The following RBSN variants were observed in gnomAD, a reference collection of about 807,000 sequenced individuals.
RBSN encodes rabenosyn, RAB effector, also known as rabenosyn-5.
RBSN carries 34 observed loss-of-function variants against 60.5 expected under a neutral mutation model. The observed-to-expected ratio is 0.56, with a 90% CI of 0.43 to 0.75. RBSN has a LOEUF of 0.75. RBSN is among the 30% of genes least tolerant of loss of function. The probability of loss-of-function intolerance (pLI) is 0.00; values close to 1 mark genes in which losing one functional copy is unlikely to be tolerated. For synonymous variants in RBSN, 322 were observed against 366.9 expected (o/e 0.88, Z 1.40); for missense variants, 845 against 986.8 (o/e 0.86, Z 1.92).
chr3:15,073,859 C>T lies in RBSN; in HGVS notation c.2278G>A (p.Asp760Asn), dbSNP rs2042977515. The change falls in exon 14 of 14, where the codon GAT (aspartate) becomes AAT (asparagine). Residue 760 changes from aspartate to asparagine, a missense_variant. Physicochemically the swap from Asp to Asn is conservative, Grantham distance 23. Coordinates refer to ENST00000253699, the MANE Select transcript of RBSN (RefSeq NM_022340.4). The part of the protein sequence containing the change: ...IFDAKQCGRL[D>N]EVEVLTENLR... ...TTCTCTGTCAGCACCTCTACCTCAT[C>T]CAGGCGGCCGCACTGCTTGGCATCA... 2.5e-6 allele frequency: 4 copies of T among 1,614,014 alleles called. No homozygotes were observed. The highest frequency in any genetic ancestry group is 3.4e-6 in the Non-Finnish European group (4 of 1,180,018).
chr3:15,096,369 G>C, intron 3 of RBSN, 81 bp from the exon 4 acceptor site: 1 of 401,044 alleles, frequency 2.5e-6, no homozygotes, highest in Non-Finnish European at 4.4e-6. Context: ...TCTTTTCACA[G>C]TTCAATGGGG....
chr3:15,074,181 G>A lies in RBSN; in HGVS notation c.1956C>T (p.Asp652=). 6 of 1,612,518 alleles carry A rather than the reference G, an allele frequency of 3.7e-6. No homozygotes were observed. Among genetic ancestry groups the A allele is most frequent in the Non-Finnish European group, 5.1e-6 (6 of 1,179,022 alleles). ...TGPPAAGVSL[D]PSARILKEYN... ...ACTCTTTCAGGATGCGGGCTGAAGGGTCTAAGGAAACCCCTGCAGCAGGAG... is the reference window on the plus strand; with the variant it reads ...ACTCTTTCAGGATGCGGGCTGAAGGATCTAAGGAAACCCCTGCAGCAGGAG... The change falls in exon 14 of 14, where the codon GAC becomes GAT. Residue 652 remains aspartate (D), a synonymous_variant. Coordinates refer to ENST00000253699, the MANE Select transcript of RBSN (RefSeq NM_022340.4). The surrounding 1 kb of genome is among the most constrained non-coding windows in gnomAD (Gnocchi z 6.4).
chr3:15,089,277 C>T (rs1217678545), intron 5 of RBSN, among the ~76,000 whole-genome samples: 1 of 151,496 alleles, frequency 6.6e-6, no homozygotes, highest in Admixed American at 6.6e-5. Flanking sequence ...ACCAGCCTGG[C>T]CAACATAGGA....
chr3:15,084,109 T>C lies in RBSN; in HGVS notation c.598+626A>G, dbSNP rs1328211962. 3.9e-5 allele frequency among the ~76,000 whole-genome samples: 6 copies of C among 152,166 alleles called. No individual in the cohort carries two copies. Among genetic ancestry groups the C allele is most frequent in the Non-Finnish European group, 2.9e-5 (2 of 68,030 alleles). The stretch of plus-strand genomic sequence containing the variant: ...AAACTAAGTATAATTTTCACATTGC[T>C]ATTTTATTTTATTTATTTATTTTTT... On this transcript the variant is annotated intron_variant, in intron 8 of 13. Coordinates refer to ENST00000253699, the MANE Select transcript of RBSN (RefSeq NM_022340.4). The surrounding 1 kb of genome is among the most constrained non-coding windows in gnomAD (Gnocchi z 4.2).
At chr3:15,075,243 C>G (rs768810427) in intron 13 of RBSN, 2 of 576,158 alleles carry the variant, frequency 3.5e-6, no homozygotes, top group Non-Finnish European at 6.3e-6. Context: ...TGGAATCTCA[C>G]GCAGCGTTAA....
At position 15,071,636 on chromosome 3, in the gene RBSN, G is replaced by A. The variant is rs1171475552; in HGVS notation, c.*2146C>T. Reference sequence around the variant, plus strand: ...TCCCCATCTCCACACCCCTATACAAGATCTTTTCATTCAACCAAAAGGATA... The same window carrying A: ...TCCCCATCTCCACACCCCTATACAAAATCTTTTCATTCAACCAAAAGGATA... On this transcript the variant is annotated 3_prime_UTR_variant, in exon 14 of 14. Transcript: ENST00000253699. 1 of 152,218 alleles carries A rather than the reference G, an allele frequency of 6.6e-6. No homozygotes were observed. The highest frequency in any genetic ancestry group is 2.4e-5 in the African/African-American group (1 of 41,448). The allele number at this position is 152,218 out of a possible 1,614,324, so 9.4% of individuals were successfully genotyped here.
intron 5 of RBSN, 130 bp from the exon 6 acceptor site, chr3:15,086,091 C>CAA (rs60131546): frequency 0.023 from 2,158 of 94,006 alleles, 34 homozygotes; most frequent in East Asian, 0.037. Context: ...CGTCTCTCTC[C>CAA]AAAAAAAAAA....
At chr3:15,075,398 C>A in intron 13 of RBSN, 1 of 679,016 alleles carries the variant, frequency 1.5e-6, no homozygotes. Context: ...TCAGCAGAAG[C>A]TCTGAAAGAA....
At chr3:15,088,533 C>T (rs2043407957) in intron 5 of RBSN, among the ~76,000 whole-genome samples, 1 of 152,082 alleles carries the variant, frequency 6.6e-6, no homozygotes, top group Non-Finnish European at 1.5e-5. Flanking sequence ...GCATGTGCCA[C>T]CACACCTGGC....
At chr3:15,075,255 T>C (rs2043024918) in intron 13 of RBSN, 2 of 591,074 alleles carry the variant, frequency 3.4e-6, no homozygotes, top group Non-Finnish European at 6.2e-6. Context: ...CAGCGTTAAA[T>C]ACACATATAA....
chr3:15,091,622 A>T, intron 4 of RBSN: 2 of 549,546 alleles, frequency 3.6e-6, no homozygotes, highest in South Asian at 2.5e-5. Flanking sequence ...TCATGCTTAC[A>T]ATGTTATAAG....
chr3:15,091,405 CAG>C (rs2043513666), intron 4 of RBSN: 3 of 1,240,500 alleles, frequency 2.4e-6, no homozygotes, highest in Non-Finnish European at 3.1e-6. Context: ...TAACTGGACA[CAG>C]AGTTCTTGCT....
intron 4 of RBSN, among the ~76,000 whole-genome samples, chr3:15,095,431 A>G (rs2043629789): frequency 6.6e-6 from 1 of 152,174 alleles, no homozygotes; most frequent in African/African-American, 2.4e-5. Flanking sequence ...AACTCTCTCA[A>G]ACCTGAGCTC....
Position 15,084,403 on chromosome 3 carries a change from C to CCA in RBSN, c.598+330_598+331dup, listed in dbSNP as rs1207536733. 1.3e-5 allele frequency among the ~76,000 whole-genome samples: 2 copies of CCA among 152,204 alleles called. No homozygotes were observed. Among genetic ancestry groups the CCA allele is most frequent in the African/African-American group, 4.8e-5 (2 of 41,438 alleles). Reference sequence around the variant, plus strand: ...AAAGTGCTGTGATTACAGGCATGAGCCACTGTGCCCAGTCTAGTGTTCACA... The same window carrying CCA: ...AAAGTGCTGTGATTACAGGCATGAGCCACACTGTGCCCAGTCTAGTGTTCACA... On this transcript the variant is annotated intron_variant, in intron 8 of 13. Coordinates refer to ENST00000253699, the MANE Select transcript of RBSN (RefSeq NM_022340.4). The surrounding 1 kb of genome is among the most constrained non-coding windows in gnomAD (Gnocchi z 4.2).
At chr3:15,095,645 G>A (rs2043636311) in intron 4 of RBSN, 1 of 467,112 alleles carries the variant, frequency 2.1e-6, no homozygotes, top group Admixed American at 3.9e-5. Context: ...CTGTTAGGCT[G>A]GTGGTTAAAG....
Position 15,073,931 on chromosome 3 carries a change from C to T in RBSN, c.2206G>A (p.Glu736Lys), listed in dbSNP as rs755368838. 10 of 1,614,030 alleles carry T rather than the reference C, an allele frequency of 6.2e-6. No homozygotes were observed. The South Asian group carries it at 7.7e-5, about 12-fold the overall frequency. Residue 736 changes from glutamate (E) to lysine (K), a missense_variant, in exon 14 of 14, where the codon GAA becomes AAA. Coordinates refer to ENST00000253699, the MANE Select transcript of RBSN (RefSeq NM_022340.4). ...TCGATCTGCTGCAGGAGGAGCTCTT[C>T]CTCTATGGGCTCCTCAGCCTCTGGC... ...SGPEAEEPIE[E>K]ELLLQQIDNI... is the part of the protein sequence containing the mutation.
At position 15,090,456 on chromosome 3, in the gene RBSN, A is replaced by T; in HGVS notation, c.232T>A (p.Tyr78Asn). 1 of 1,614,220 alleles carries T rather than the reference A, an allele frequency of 6.2e-7. No individual in the cohort carries two copies. Among genetic ancestry groups the T allele is most frequent in the East Asian group, 2.2e-5 (1 of 44,882 alleles). ...DDRAESGTQG[Y>N]ESFSYGGVDP... Reference sequence around the variant, plus strand: ...ACCCCTCCATAGCTGAAAGACTCATATCCTTGGGTCCCTGACTCTGCTCGA... The same window carrying T: ...ACCCCTCCATAGCTGAAAGACTCATTTCCTTGGGTCCCTGACTCTGCTCGA... The change falls in exon 5 of 14, where the codon TAT becomes AAT. Residue 78 changes from tyrosine (Y) to asparagine (N), a missense_variant. Coordinates refer to ENST00000253699, the MANE Select transcript of RBSN (RefSeq NM_022340.4).
At chr3:15,087,493 G>C in intron 5 of RBSN, among the ~76,000 whole-genome samples, 1 of 152,194 alleles carries the variant, frequency 6.6e-6, no homozygotes, top group East Asian at 1.9e-4. Flanking sequence ...CTGGGTGACA[G>C]AGGAAGGCTG....
Position 15,091,423 on chromosome 3 carries a change from A to G in RBSN, c.149-884T>C, listed in dbSNP as rs977008692. The stretch of plus-strand genomic sequence containing the variant: ...CTGGACACAGAGTTCTTGCTTCCCC[A>G]CTACTGCCCACGCACTTATTGAATG... On this transcript the variant is annotated intron_variant, in intron 4 of 13. Transcript: ENST00000253699. 12 of 1,263,302 alleles carry G rather than the reference A, an allele frequency of 9.5e-6. No individual in the cohort carries two copies. In the African/African-American group the frequency reaches 1.8e-4, roughly 19 times the overall value. 78.3% of individuals were successfully genotyped at this position (1,263,302 alleles called of 1,614,324 possible).
Sources: allele counts gnomAD v4.1 joint callset (sites outside exome capture counted in the v4.1 genomes callset), GRCh38; gene constraint gnomAD v4.1.1; non-coding constraint Gnocchi (gnomAD v3.1); transcripts MANE v1.5; gene names NCBI Gene and HGNC (gene_info 2026-07-23, HGNC 2026-07-21).